The following MYT1L variants were observed in gnomAD, a reference collection of about 807,000 sequenced individuals.
MYT1L encodes the protein myelin transcription factor 1 like.
MYT1L carries 12 observed loss-of-function variants against 126.7 expected under a neutral mutation model. That is an observed-to-expected ratio of 0.09 (90% CI 0.06 to 0.15). The LOEUF is 0.15. Among genes scored for constraint, MYT1L ranks in the 10% least tolerant of loss-of-function variants. The pLI is 1.00. For synonymous variants in MYT1L, 541 were observed against 604.2 expected, an observed-to-expected ratio of 0.90 and a Z score of 1.53; for missense variants, 979 against 1,585.2, an observed-to-expected ratio of 0.62 and a Z score of 6.49.
intron 18 of MYT1L, among the ~76,000 whole-genome samples, chr2:1,853,021 G>A (rs568074959): frequency 1.3e-5 from 2 of 152,238 alleles, no homozygotes; most frequent in South Asian, 2.1e-4. Context: ...GACATTGGCC[G>A]AATTTTAAGT....
At chr2:1,854,948 G>A (rs2043722642) in intron 18 of MYT1L, among the ~76,000 whole-genome samples, 1 of 152,172 alleles carries the variant, frequency 6.6e-6, no homozygotes, top group Admixed American at 6.5e-5. Flanking sequence ...GTCTCCCTGA[G>A]ATAACCAGCC....
At chr2:2,321,057 A>G (rs138285224) in intron 1 of MYT1L, among the ~76,000 whole-genome samples, 2 of 152,330 alleles carry the variant, frequency 1.3e-5, no homozygotes, top group East Asian at 1.9e-4. Flanking sequence ...CTTGGAATAT[A>G]TTTTACAAAA....
chr2:2,169,333 T>C (rs1386728475), intron 3 of MYT1L, among the ~76,000 whole-genome samples: 2 of 152,194 alleles, frequency 1.3e-5, no homozygotes, highest in East Asian at 3.8e-4. Context: ...TTTTCTGTAA[T>C]AATGTATTAC....
intron 1 of MYT1L, among the ~76,000 whole-genome samples, chr2:2,292,374 C>G (rs903312677): frequency 7.2e-5 from 11 of 152,216 alleles, no homozygotes; most frequent in Non-Finnish European, 1.5e-4. Context: ...AGAAAAAGTC[C>G]TTGTGAAATG....
intron 13 of MYT1L, among the ~76,000 whole-genome samples, chr2:1,907,461 CTG>C (rs1459287853): frequency 1.3e-5 from 2 of 152,192 alleles, no homozygotes; most frequent in African/African-American, 4.8e-5. Context: ...CAAGGGCAAT[CTG>C]TTTATTCCCC....
At chr2:2,114,007 T>C (rs1373132667) in intron 3 of MYT1L, among the ~76,000 whole-genome samples, 1 of 152,070 alleles carries the variant, frequency 6.6e-6, no homozygotes, top group East Asian at 1.9e-4. Flanking sequence ...AAAATAGTTA[T>C]GAAAACATTA....
In MYT1L at chr2:1,791,475, CGT is replaced by C. The variant is rs1287131269; in HGVS notation, c.*390_*391del. 2.3e-5 allele frequency: 8 copies of C among 344,526 alleles called. No individual in the cohort carries two copies. Among genetic ancestry groups the C allele is most frequent in the African/African-American group, 8.6e-5 (4 of 46,610 alleles). The allele number at this position is 344,526 out of a possible 1,614,324, so 21.3% of individuals were successfully genotyped here. The stretch of plus-strand genomic sequence containing the variant: ...ATTCAAAGCTGTGGGTCTGTGTGTG[CGT>C]GTGTGTGTTTGTGTGTCCATTTCAG... On this transcript the variant is annotated 3_prime_UTR_variant, in exon 25 of 25. Transcript: ENST00000647738. This position sits in a 1 kb window ranked among gnomAD's most constrained non-coding sequence, Gnocchi z 6.0.
chr2:2,161,105 A>G (rs1480846572), intron 3 of MYT1L, among the ~76,000 whole-genome samples: 1 of 152,122 alleles, frequency 6.6e-6, no homozygotes, highest in African/African-American at 2.4e-5. Context: ...CTGTAGTCCC[A>G]GCTACTCGGG....
At chr2:2,163,485 G>A (rs370011268) in intron 3 of MYT1L, among the ~76,000 whole-genome samples, 1 of 151,984 alleles carries the variant, frequency 6.6e-6, no homozygotes, top group East Asian at 1.9e-4. Context: ...CAGCACTTTG[G>A]GAGGCCGAGG....
At chr2:1,958,099 G>A (rs2058658648) in intron 8 of MYT1L, among the ~76,000 whole-genome samples, 1 of 151,418 alleles carries the variant, frequency 6.6e-6, no homozygotes, top group Non-Finnish European at 1.5e-5. Flanking sequence ...CACTGCACTT[G>A]TCGCTAAGGT....
Position 2,224,871 on chromosome 2 carries a change from T to C in MYT1L, c.-420-51883A>G, listed in dbSNP as rs2149011717. Among the ~76,000 whole-genome samples the C allele has an allele frequency of 6.6e-6, 1 of 152,178 alleles. No individual in the cohort carries two copies. Among genetic ancestry groups the C allele is most frequent in the African/African-American group, 2.4e-5 (1 of 41,548 alleles). ...ATGTTTCAAATCCTTGAGAAAGGTC[T>C]TAACCAGGGCTAGCCTTATGCTTGT... On this transcript the variant is annotated intron_variant, in intron 2 of 24. Transcript: ENST00000647738. This position sits in a 1 kb window ranked among gnomAD's most constrained non-coding sequence, Gnocchi z 4.0.
At chr2:2,310,158 A>G (rs2149594847) in intron 1 of MYT1L, among the ~76,000 whole-genome samples, 1 of 151,946 alleles carries the variant, frequency 6.6e-6, no homozygotes, top group Admixed American at 6.6e-5. Context: ...TCTATACTCC[A>G]CCTACACTTC....
chr2:2,101,099 T>C (rs891450233), intron 3 of MYT1L, among the ~76,000 whole-genome samples: 7 of 152,216 alleles, frequency 4.6e-5, no homozygotes, highest in Admixed American at 3.3e-4. Context: ...CCTAGAATTA[T>C]TGCAATCTTA....
chr2:2,110,378 T>C (rs577515878), intron 3 of MYT1L, among the ~76,000 whole-genome samples: 46 of 152,248 alleles, frequency 3.0e-4, no homozygotes, highest in Non-Finnish European at 4.7e-4. Context: ...GAATTGTCTG[T>C]AGCAGCCTGT....
intron 8 of MYT1L, among the ~76,000 whole-genome samples, chr2:1,956,099 C>T (rs1049949162): frequency 1.3e-5 from 2 of 151,996 alleles, no homozygotes; most frequent in African/African-American, 4.8e-5. Flanking sequence ...TTTGTATCTA[C>T]CTACCTATGA....
At chr2:1,994,521 T>C (rs1305706080) in intron 5 of MYT1L, among the ~76,000 whole-genome samples, 6 of 152,190 alleles carry the variant, frequency 3.9e-5, no homozygotes, top group Admixed American at 3.9e-4. Context: ...CTCAGAGGTG[T>C]CGGCTCCCTC....
At chr2:1,906,534 C>G (rs1208977169) in intron 13 of MYT1L, among the ~76,000 whole-genome samples, 1 of 151,998 alleles carries the variant, frequency 6.6e-6, no homozygotes, top group African/African-American at 2.4e-5. Context: ...AGACTGATAG[C>G]CATATCTATA....
intron 5 of MYT1L, among the ~76,000 whole-genome samples, chr2:1,994,380 C>T (rs2061669562): frequency 6.6e-6 from 1 of 151,418 alleles, no homozygotes; most frequent in Non-Finnish European, 1.5e-5. Flanking sequence ...AGGCCCTGCT[C>T]CCTCCTCCCA....
chr2:2,318,193 CA>C (rs1461245863), intron 1 of MYT1L, among the ~76,000 whole-genome samples: 5 of 152,212 alleles, frequency 3.3e-5, no homozygotes, highest in Non-Finnish European at 7.3e-5. Context: ...ACTCCTTACA[CA>C]ACTTCTGCAT....
Sources: allele counts gnomAD v4.1 joint callset (sites outside exome capture counted in the v4.1 genomes callset), GRCh38; gene constraint gnomAD v4.1.1; non-coding constraint Gnocchi (gnomAD v3.1); transcripts MANE v1.5; gene names NCBI Gene and HGNC (gene_info 2026-07-23, HGNC 2026-07-21).